Variants in G2E3 observed in about 807,000 individuals in gnomAD.
The protein encoded by G2E3 is G2/M-phase specific E3 ubiquitin protein ligase.
In G2E3, 35 loss-of-function variants were observed where a neutral mutation model predicts 92.8. The ratio of observed to expected loss-of-function variants is 0.38; its 90% confidence interval spans 0.29 to 0.50. The LOEUF is 0.50. Among genes scored for constraint, G2E3 ranks in the 20% least tolerant of loss-of-function variants. The pLI is 0.94. For synonymous variants in G2E3, 242 were observed against 272.4 expected (o/e 0.89, Z 1.10); for missense variants, 554 against 823.8 (o/e 0.67, Z 4.01).
At chr14:30,603,428 G>A (rs1036637025) in intron 10 of G2E3, among the ~76,000 whole-genome samples, 1 of 152,116 alleles carries the variant, frequency 6.6e-6, no homozygotes, top group Non-Finnish European at 1.5e-5. Context: ...TATTTGTTCA[G>A]CTGTAGTTAA....
chr14:30,595,821 A>G (rs1297706040), intron 6 of G2E3, among the ~76,000 whole-genome samples: 2 of 152,180 alleles, frequency 1.3e-5, no homozygotes, highest in Admixed American at 1.3e-4. Context: ...AATAATATAC[A>G]TTGGGATTTT....
intron 1 of G2E3, among the ~76,000 whole-genome samples, chr14:30,567,800 T>C (rs539355150): frequency 6.6e-6 from 1 of 152,200 alleles, no homozygotes; most frequent in South Asian, 2.1e-4. Context: ...CTTTTTTGAC[T>C]TTTTGTCTAT....
At chr14:30,560,372 TA>T (rs906928738) in intron 1 of G2E3, 2 of 160,624 alleles carry the variant, frequency 1.2e-5, no homozygotes, top group African/African-American at 4.8e-5. Flanking sequence ...AATATATTTT[TA>T]AAAGTAGGAC....
At chr14:30,597,248 T>C (rs142496999) in intron 6 of G2E3, among the ~76,000 whole-genome samples, 172 bp from the exon 7 acceptor site, 1 of 152,222 alleles carries the variant, frequency 6.6e-6, no homozygotes, top group South Asian at 2.1e-4. Flanking sequence ...AAAAGAATTA[T>C]AGATTTTAGC....
intron 2 of G2E3, among the ~76,000 whole-genome samples, chr14:30,582,636 G>A (rs114904471): frequency 1.5e-3 from 227 of 152,360 alleles, no homozygotes; most frequent in African/African-American, 5.3e-3. Context: ...GGGTAAAAGT[G>A]TAGGTATTGG....
chr14:30,615,556 T>C lies in G2E3; in HGVS notation c.1864+17T>C. ...CTGTTGAAGGTATGTGGATATTTTA[T>C]TTTACTTTTAACGATCTCAGAATAT... On this transcript the variant is annotated intron_variant, in intron 14 of 14. Transcript: ENST00000206595. 6.8e-7 allele frequency: 1 copy of C among 1,462,270 alleles called. No homozygotes were observed. The highest frequency in any genetic ancestry group is 9.3e-7 in the Non-Finnish European group (1 of 1,080,442). The allele number at this position is 1,462,270 out of a possible 1,614,324, so 90.6% of individuals were successfully genotyped here. A position where few individuals can be genotyped will look rare whatever the true frequency, so the allele number is the denominator to read the frequency against.
rs115242661 is a variant in G2E3 at position 30,614,607 on chromosome 14, C to T, written c.1674-742C>T. On this transcript the variant is annotated intron_variant, in intron 13 of 14. Transcript: ENST00000206595. ...GGCCATTAAATTTCAACATGAGTTT[C>T]GAAGGAACTCATTTGAAACCATAAC... Among the ~76,000 whole-genome samples the T allele has an allele frequency of 3.7e-3, 562 of 152,296 alleles. 7 individuals are homozygous for T. The highest frequency in any genetic ancestry group is 0.013 in the African/African-American group (531 of 41,564).
chr14:30,577,520 G>A (rs1880185618), intron 1 of G2E3, among the ~76,000 whole-genome samples: 1 of 152,168 alleles, frequency 6.6e-6, no homozygotes, highest in Non-Finnish European at 1.5e-5. Flanking sequence ...GTCGTATGAA[G>A]GCTTGATTGG....
Position 30,617,693 on chromosome 14 carries a change from T to C in G2E3, c.*1159T>C, listed in dbSNP as rs1882377861. On this transcript the variant is annotated 3_prime_UTR_variant, in exon 15 of 15. Transcript: ENST00000206595. The stretch of plus-strand genomic sequence containing the variant: ...CAGAGATAAGTACCGTATTTCTGTG[T>C]ATCCTTCTATAAACTCTTTACTTCT... 1 of 152,150 alleles carries C rather than the reference T, an allele frequency of 6.6e-6. No individual in the cohort carries two copies. The highest frequency in any genetic ancestry group is 1.5e-5 in the Non-Finnish European group (1 of 67,956). The allele number at this position is 152,150 out of a possible 1,614,324, so 9.4% of individuals were successfully genotyped here. A position where few individuals can be genotyped will look rare whatever the true frequency, so the allele number is the denominator to read the frequency against.
chr14:30,612,482 C>A, intron 13 of G2E3, 103 bp downstream of exon 13: 1 of 751,136 alleles, frequency 1.3e-6, no homozygotes, highest in South Asian at 2.2e-5. Flanking sequence ...AGATGTTTTT[C>A]TCAGAAAAAA....
At chr14:30,584,796 TAG>T (rs989948899) in intron 2 of G2E3, among the ~76,000 whole-genome samples, 2 of 151,580 alleles carry the variant, frequency 1.3e-5, no homozygotes, top group African/African-American at 4.8e-5. Context: ...TTTAGATGTG[TAG>T]AGTGTCTTTC....
chr14:30,562,598 GT>G (rs1256840583), intron 1 of G2E3, among the ~76,000 whole-genome samples: 2 of 152,038 alleles, frequency 1.3e-5, no homozygotes, highest in African/African-American at 4.8e-5. Flanking sequence ...GGGAAAGGGA[GT>G]CTCCCTTTCC....
intron 6 of G2E3, among the ~76,000 whole-genome samples, chr14:30,596,109 TATGG>T (rs1390984140): frequency 3.8e-4 from 11 of 28,880 alleles, no homozygotes; most frequent in African/African-American, 9.8e-4. Context: ...CCCTCCCTTA[TATGG>T]GTGGGTGGGT....
At chr14:30,565,063 C>G (rs1179393411) in intron 1 of G2E3, among the ~76,000 whole-genome samples, 3 of 152,138 alleles carry the variant, frequency 2.0e-5, no homozygotes, top group Middle Eastern at 3.2e-3. Context: ...CTGTTTTCCA[C>G]CCTTGCATCA....
At chr14:30,604,614 G>C (rs934655412) in intron 10 of G2E3, among the ~76,000 whole-genome samples, 5 of 152,164 alleles carry the variant, frequency 3.3e-5, no homozygotes, top group Non-Finnish European at 7.4e-5. Context: ...TGGTCTGGGA[G>C]CACACTTTGT....
At position 30,605,667 on chromosome 14, in the gene G2E3, A is replaced by AGT. The variant is rs1392412715; in HGVS notation, c.1174_1175dup (p.Ala393Ter). 1 of 1,610,632 alleles carries AGT rather than the reference A, an allele frequency of 6.2e-7. No individual in the cohort carries two copies. Among genetic ancestry groups the AGT allele is most frequent in the Admixed American group, 1.7e-5 (1 of 59,930 alleles). On this transcript the variant is annotated frameshift_variant, in exon 11 of 15. Coordinates refer to ENST00000206595, the MANE Select transcript of G2E3 (RefSeq NM_017769.5). LOFTEE classifies it high-confidence loss of function. ...ACTTTAATCCTTCATATGCAATTGA[A>AGT]GTAGCATATGTTATTGAAAATGATA...
intron 1 of G2E3, among the ~76,000 whole-genome samples, chr14:30,566,966 AG>A (rs1879475208): frequency 6.6e-6 from 1 of 152,234 alleles, no homozygotes; most frequent in South Asian, 2.1e-4. Context: ...TTTCTCTATT[AG>A]TATGGTATAT....
intron 2 of G2E3, among the ~76,000 whole-genome samples, chr14:30,584,812 C>G (rs1180363397): frequency 2.1e-5 from 3 of 140,696 alleles, no homozygotes; most frequent in African/African-American, 5.3e-5. Context: ...GTCTTTCACT[C>G]TCTTGATAGT....
At chr14:30,575,344 T>C (rs1404998867) in intron 1 of G2E3, among the ~76,000 whole-genome samples, 1 of 152,114 alleles carries the variant, frequency 6.6e-6, no homozygotes, top group African/African-American at 2.4e-5. Flanking sequence ...TGTTAAAAAC[T>C]CTCAATAAAC....
Sources: gnomAD v4.1 joint callset for allele counts (sites outside exome capture counted in the v4.1 genomes callset) on GRCh38, gnomAD v4.1.1 for gene constraint, MANE v1.5 for transcripts, NCBI Gene and HGNC (gene_info 2026-07-23, HGNC 2026-07-21) for gene names.